The following SCAPER variants were observed in gnomAD, a reference collection of about 807,000 sequenced individuals.
SCAPER encodes S-phase cyclin A associated protein in the ER.
SCAPER carries 98 observed loss-of-function variants against 182.2 expected under a neutral mutation model. That is an observed-to-expected ratio of 0.54 (90% CI 0.46 to 0.64). The LOEUF is 0.64. SCAPER is among the 30% of genes least tolerant of loss of function. The pLI, the probability that SCAPER is intolerant of heterozygous loss-of-function variation, is 0.00. For synonymous variants in SCAPER, 605 were observed against 564.6 expected, an observed-to-expected ratio of 1.07 and a Z score of -1.01; for missense variants, 1,432 against 1,690.0, an observed-to-expected ratio of 0.85 and a Z score of 2.68.
chr15:76,426,992 G>A (rs1018087658), intron 26 of SCAPER, among the ~76,000 whole-genome samples: 12 of 152,134 alleles, frequency 7.9e-5, no homozygotes, highest in Admixed American at 2.6e-4. Context: ...TCAATAAACC[G>A]TGCTGGGATA....
intron 25 of SCAPER, among the ~76,000 whole-genome samples, chr15:76,453,950 A>G (rs2048547691): frequency 6.6e-6 from 1 of 152,190 alleles, no homozygotes; most frequent in African/African-American, 2.4e-5. Flanking sequence ...TTATTTTCCA[A>G]TATGTAGTAG....
chr15:76,563,410 T>C (rs1007565066), intron 23 of SCAPER, among the ~76,000 whole-genome samples: 3 of 152,162 alleles, frequency 2.0e-5, no homozygotes, highest in Non-Finnish European at 2.9e-5. Context: ...GCACATAAAC[T>C]AGAAAATCTA....
chr15:76,685,986 C>T (rs905577156), intron 20 of SCAPER, among the ~76,000 whole-genome samples: 3 of 151,974 alleles, frequency 2.0e-5, no homozygotes, highest in African/African-American at 7.2e-5. Flanking sequence ...ATGGAAAATG[C>T]AGGTGAACCA....
chr15:76,582,557 C>T (rs372978441), intron 22 of SCAPER, among the ~76,000 whole-genome samples: 5 of 152,170 alleles, frequency 3.3e-5, no homozygotes, highest in East Asian at 1.9e-4. Context: ...AAAATACTAA[C>T]GAAATAAGTA....
At chr15:76,525,932 C>A (rs114000160) in intron 23 of SCAPER, among the ~76,000 whole-genome samples, 2 of 152,182 alleles carry the variant, frequency 1.3e-5, no homozygotes, top group Non-Finnish European at 2.9e-5. Context: ...CAAGAAATCT[C>A]CAGACTGCTT....
At chr15:76,720,103 C>T (rs1252253085) in intron 17 of SCAPER, among the ~76,000 whole-genome samples, 1 of 145,280 alleles carries the variant, frequency 6.9e-6, no homozygotes, top group Non-Finnish European at 1.5e-5. Flanking sequence ...CAACAGTCCC[C>T]AGTGTGTGAT....
intron 1 of SCAPER, among the ~76,000 whole-genome samples, chr15:76,903,473 G>C (rs1050798958): frequency 1.3e-5 from 2 of 152,066 alleles, no homozygotes; most frequent in African/African-American, 2.4e-5. Context: ...TTAATGAATG[G>C]GATAAATTCC....
chr15:76,903,525 T>C (rs143853147), intron 1 of SCAPER, among the ~76,000 whole-genome samples: 58 of 152,318 alleles, frequency 3.8e-4, no homozygotes, highest in African/African-American at 1.2e-3. Context: ...CCTTGCACCA[T>C]GTAAGGAGAC....
intron 15 of SCAPER, among the ~76,000 whole-genome samples, chr15:76,736,191 C>T (rs2061253315): frequency 6.6e-6 from 1 of 152,206 alleles, no homozygotes; most frequent in Non-Finnish European, 1.5e-5. Flanking sequence ...TCTAAATAAA[C>T]AATGTACGCA....
intron 21 of SCAPER, among the ~76,000 whole-genome samples, chr15:76,639,414 A>G (rs530145677): frequency 6.6e-6 from 1 of 152,282 alleles, no homozygotes; most frequent in South Asian, 2.1e-4. Context: ...AGGCGCAGGG[A>G]TTGCCCCTCC....
chr15:76,747,028 C>T (rs2061831572), intron 15 of SCAPER, among the ~76,000 whole-genome samples: 1 of 152,180 alleles, frequency 6.6e-6, no homozygotes, highest in Admixed American at 6.5e-5. Context: ...CATGGAATGG[C>T]AAGGTACACT....
intron 1 of SCAPER, among the ~76,000 whole-genome samples, chr15:76,891,992 G>A (rs2074193085): frequency 6.6e-6 from 1 of 152,102 alleles, no homozygotes; most frequent in South Asian, 2.1e-4. Context: ...ATAGACCAAT[G>A]GAACAGAACA....
At position 76,664,238 on chromosome 15, in the gene SCAPER, C is replaced by G. The variant is rs943849515; in HGVS notation, c.2645+1415G>C. Among the ~76,000 whole-genome samples, 18 of 152,220 alleles carry G rather than the reference C, an allele frequency of 1.2e-4. 1 individual carries two copies. The highest frequency in any genetic ancestry group is 3.9e-4 in the African/African-American group (16 of 41,556). On this transcript the variant is annotated intron_variant, in intron 21 of 31. Coordinates refer to ENST00000563290, the MANE Select transcript of SCAPER (RefSeq NM_020843.4). ...ATACAAGGGCAGAAACAAGACTAGT[C>G]AGAAGGCTACTATAACAATCCAGGT...
chr15:76,407,975 T>G (rs2044984960), intron 26 of SCAPER, among the ~76,000 whole-genome samples: 1 of 151,800 alleles, frequency 6.6e-6, no homozygotes, highest in Non-Finnish European at 1.5e-5. Flanking sequence ...AAAAATCACT[T>G]AAAAAAAACA....
At chr15:76,399,195 T>C (rs1156807219) in intron 27 of SCAPER, among the ~76,000 whole-genome samples, 2 of 152,180 alleles carry the variant, frequency 1.3e-5, no homozygotes, top group African/African-American at 4.8e-5. Context: ...TGGAGTGCAG[T>C]GGTGCCATCT....
intron 20 of SCAPER, among the ~76,000 whole-genome samples, chr15:76,695,608 AG>A (rs2058614290): frequency 6.6e-6 from 1 of 151,574 alleles, no homozygotes; most frequent in African/African-American, 2.4e-5. Context: ...AAAAAAAAAA[AG>A]AAAAAAGAAA....
At chr15:76,745,450 AAAAAC>A (rs1176624621) in intron 15 of SCAPER, among the ~76,000 whole-genome samples, 15 of 152,230 alleles carry the variant, frequency 9.9e-5, no homozygotes, top group East Asian at 3.9e-4. Flanking sequence ...CTCCATCTCA[AAAAAC>A]AAAACAAAAC....
chr15:76,777,030 G>C (rs2063784335), intron 8 of SCAPER, among the ~76,000 whole-genome samples: 1 of 151,980 alleles, frequency 6.6e-6, no homozygotes, highest in African/African-American at 2.4e-5. Context: ...TCCATAGTAA[G>C]ACACATCATA....
At chr15:76,451,655 C>A (rs752487898) in intron 25 of SCAPER, among the ~76,000 whole-genome samples, 1 of 152,152 alleles carries the variant, frequency 6.6e-6, no homozygotes, top group African/African-American at 2.4e-5. Context: ...AGAGCAGAGG[C>A]CAACCATAAA....
Sources: gnomAD v4.1 joint callset for allele counts (sites outside exome capture counted in the v4.1 genomes callset) on GRCh38, gnomAD v4.1.1 for gene constraint, MANE v1.5 for transcripts, NCBI Gene and HGNC (gene_info 2026-07-23, HGNC 2026-07-21) for gene names.